BTBD9: variants seen among roughly 807,000 people sequenced by gnomAD.
The protein encoded by BTBD9 is BTB domain containing 9.
A neutral mutation model predicts 64.3 loss-of-function variants in BTBD9; 49 were observed. That is an observed-to-expected ratio of 0.76 (90% CI 0.61 to 0.97). The LOEUF (loss-of-function observed/expected upper bound fraction) is 0.97, where lower values mean the gene tolerates loss of function less well. Ranked by LOEUF, BTBD9 falls within the 50% of genes least tolerant of loss-of-function variation. The pLI is 0.00. For missense variants in BTBD9, 598 were observed against 762.1 expected (o/e 0.78, Z 2.53); for synonymous variants, 260 against 274.7 (o/e 0.95, Z 0.53).
chr6:38,261,200 A>C (rs575209784), intron 8 of BTBD9, among the ~76,000 whole-genome samples: 1 of 152,194 alleles, frequency 6.6e-6, no homozygotes, highest in South Asian at 2.1e-4. Context: ...TGTTGGGATT[A>C]AAAGCATGAG....
intron 6 of BTBD9, among the ~76,000 whole-genome samples, chr6:38,378,545 CACTTAA>C (rs1361176161): frequency 6.8e-6 from 1 of 147,324 alleles, no homozygotes; most frequent in African/African-American, 2.5e-5. Flanking sequence ...CTAAACGAAA[CACTTAA>C]ACTTAAATTC....
At chr6:38,186,749 C>G (rs1336422666) in intron 10 of BTBD9, among the ~76,000 whole-genome samples, 2 of 152,172 alleles carry the variant, frequency 1.3e-5, no homozygotes, top group Non-Finnish European at 2.9e-5. Flanking sequence ...CTGTCAATAC[C>G]ATCCTCAGTT....
intron 7 of BTBD9, among the ~76,000 whole-genome samples, chr6:38,299,700 G>A (rs1041291848): frequency 2.6e-5 from 4 of 152,050 alleles, no homozygotes; most frequent in Non-Finnish European, 5.9e-5. Context: ...TTTTTGATGG[G>A]GTTGTTTGTT....
At chr6:38,181,678 C>T (rs1208121753) in intron 10 of BTBD9, among the ~76,000 whole-genome samples, 2 of 152,126 alleles carry the variant, frequency 1.3e-5, no homozygotes, top group Non-Finnish European at 2.9e-5. Context: ...TGCATCTGAA[C>T]AGCCCAACAC....
intron 6 of BTBD9, chr6:38,504,463 C>T (rs758691182): frequency 2.5e-5 from 11 of 443,098 alleles, no homozygotes; most frequent in Non-Finnish European, 4.1e-5. Context: ...TCCAATCCCT[C>T]TACTGAACTT....
intron 4 of BTBD9, among the ~76,000 whole-genome samples, chr6:38,580,915 G>T (rs1776254722): frequency 6.6e-6 from 1 of 152,050 alleles, no homozygotes; most frequent in Non-Finnish European, 1.5e-5. Context: ...TAAACAGGCG[G>T]GGTGCAGTGG....
intron 10 of BTBD9, among the ~76,000 whole-genome samples, chr6:38,181,133 T>A (rs538299587): frequency 1.5e-3 from 230 of 152,312 alleles, no homozygotes; most frequent in African/African-American, 5.0e-3. Context: ...TTTTCAAGGT[T>A]TTTAAAAGCA....
rs576543852 is a variant in BTBD9 at position 38,212,668 on chromosome 6, C to T, written c.1563-20071G>A. On this transcript the variant is annotated intron_variant, in intron 9 of 10. Transcript: ENST00000481247. ...GGTGAGGGGAGGGAGAAAATTCAGT[C>T]TGCTGTTCCCCAGAGGATTTCCTGC... Among the ~76,000 whole-genome samples, 229 of 152,320 alleles carry T rather than the reference C, an allele frequency of 1.5e-3. 2 individuals are homozygous for T. Among genetic ancestry groups the T allele is most frequent in the African/African-American group, 4.5e-3 (187 of 41,578 alleles).
Position 38,303,874 on chromosome 6 carries a change from T to TAC in BTBD9, c.1265-15415_1265-15414dup, listed in dbSNP as rs1554137166. On this transcript the variant is annotated intron_variant, in intron 7 of 10. Transcript: ENST00000481247. ...ATATATATATATATATATATATATA[T>TAC]ACACACACACACATGTGTATATATA... Among the ~76,000 whole-genome samples, 498 of 82,104 alleles carry TAC rather than the reference T, an allele frequency of 6.1e-3. 19 individuals are homozygous for TAC. The highest frequency in any genetic ancestry group is 7.7e-3 in the South Asian group (18 of 2,334). The allele number at this position is 82,104 out of a possible 152,430, so 53.9% of individuals were successfully genotyped here. A position where few individuals can be genotyped will look rare whatever the true frequency, so the allele number is the denominator to read the frequency against.
At chr6:38,441,704 A>C (rs1384233612) in intron 6 of BTBD9, among the ~76,000 whole-genome samples, 2 of 152,214 alleles carry the variant, frequency 1.3e-5, no homozygotes, top group Admixed American at 1.3e-4. Context: ...GGCATGAGCC[A>C]CCACACCCAG....
intron 6 of BTBD9, among the ~76,000 whole-genome samples, chr6:38,463,337 CT>C (rs1770191105): frequency 6.6e-6 from 1 of 152,224 alleles, no homozygotes; most frequent in Non-Finnish European, 1.5e-5. Context: ...AAAAGTTTCA[CT>C]TCTTCCTTTC....
At chr6:38,356,325 T>G (rs779407913) in intron 6 of BTBD9, among the ~76,000 whole-genome samples, 1 of 152,168 alleles carries the variant, frequency 6.6e-6, no homozygotes, top group African/African-American at 2.4e-5. Flanking sequence ...CTAATTTTTC[T>G]TTATGAAACT....
At chr6:38,440,447 G>A (rs12208647) in intron 6 of BTBD9, among the ~76,000 whole-genome samples, 13,884 of 152,128 alleles carry the variant, frequency 0.091, 869 homozygotes, top group Non-Finnish European at 0.14. Flanking sequence ...GAGACTACTG[G>A]GCTCAGCACT....
intron 7 of BTBD9, among the ~76,000 whole-genome samples, chr6:38,323,004 AG>A (rs1362539027): frequency 1.3e-5 from 2 of 152,240 alleles, no homozygotes; most frequent in African/African-American, 4.8e-5. Flanking sequence ...ACTCAGAAGA[AG>A]GGGAGATGTC....
chr6:38,348,690 A>C (rs888559141), intron 6 of BTBD9, among the ~76,000 whole-genome samples: 5 of 152,168 alleles, frequency 3.3e-5, no homozygotes, highest in Admixed American at 3.3e-4. Context: ...AGTTCAGTAC[A>C]CAATGTTTCA....
chr6:38,273,121 C>G (rs773858155), intron 8 of BTBD9, among the ~76,000 whole-genome samples: 2 of 152,180 alleles, frequency 1.3e-5, no homozygotes, highest in Non-Finnish European at 2.9e-5. Flanking sequence ...TCCCAAGTTG[C>G]TTATGCCTGA....
In BTBD9 at chr6:38,183,003, A is replaced by G. The variant is rs539380460; in HGVS notation, c.1642-7821T>C. Among the ~76,000 whole-genome samples, 228 of 149,542 alleles carry G rather than the reference A, an allele frequency of 1.5e-3. 1 individual carries two copies. In the Middle Eastern group the frequency reaches 0.021, roughly 14 times the overall value. On this transcript the variant is annotated intron_variant, in intron 10 of 10. Transcript: ENST00000481247. ...CTTCTTTTTTTTTTTTTTCTGAGAC[A>G]GAGTCTTGCTCTGTCGCCCAGGCTG... is the stretch of plus-strand genomic sequence containing the variant.
At chr6:38,576,116 C>A (rs1333303694) in intron 6 of BTBD9, among the ~76,000 whole-genome samples, 2 of 152,078 alleles carry the variant, frequency 1.3e-5, no homozygotes, top group Non-Finnish European at 2.9e-5. Context: ...TAAATGCAAA[C>A]ACACAGTCCT....
At chr6:38,375,950 G>GGAAAGAAA (rs1411416474) in intron 6 of BTBD9, among the ~76,000 whole-genome samples, 1 of 72,480 alleles carries the variant, frequency 1.4e-5, no homozygotes, top group African/African-American at 7.0e-5. Context: ...AAGGAAAGAA[G>GGAAAGAAA]GAAAGAAAGA....
Sources: gnomAD v4.1 joint callset for allele counts (sites outside exome capture counted in the v4.1 genomes callset) on GRCh38, gnomAD v4.1.1 for gene constraint, MANE v1.5 for transcripts, NCBI Gene and HGNC (gene_info 2026-07-23, HGNC 2026-07-21) for gene names.